The following ZFAT variants were observed in gnomAD, a reference collection of about 807,000 sequenced individuals.
ZFAT encodes the protein zinc finger protein ZFAT.
ZFAT carries 64 observed loss-of-function variants against 117.7 expected under a neutral mutation model. The ratio of observed to expected loss-of-function variants is 0.54; its 90% CI spans 0.44 to 0.67. The LOEUF (loss-of-function observed/expected upper bound fraction) is 0.67. ZFAT is among the 30% of genes least tolerant of loss of function. The pLI is 0.00. For missense variants in ZFAT, 1,433 were observed against 1,584.5 expected, an observed-to-expected ratio of 0.90 and a Z score of 1.62; for synonymous variants, 679 against 615.0, an observed-to-expected ratio of 1.10 and a Z score of -1.54.
rs1373299647 is a variant in ZFAT at position 134,610,477 on chromosome 8, T to C, written c.627A>G (p.Ala209=). The C allele has an allele frequency of 3.1e-6, 5 of 1,613,156 alleles. No individual in the cohort carries two copies. Among genetic ancestry groups the C allele is most frequent in the Non-Finnish European group, 4.2e-6 (5 of 1,179,762 alleles). ...CCCGCTTGGTGCAGTCACCTGGAATTGCTTCGTGTGCAGTTAAAACCACAC... is the reference window on the plus strand; with the variant it reads ...CCCGCTTGGTGCAGTCACCTGGAATCGCTTCGTGTGCAGTTAAAACCACAC... ...IISVVLTAHE[A]IPGATKIVPV... is the part of the protein sequence containing the mutation. The change falls in exon 4 of 16, where the codon GCA becomes GCG. Residue 209 remains alanine, a synonymous_variant. Coordinates refer to ENST00000377838, the MANE Select transcript of ZFAT (RefSeq NM_020863.4).
At chr8:134,699,827 T>A (rs900421574) in intron 1 of ZFAT, among the ~76,000 whole-genome samples, 1 of 152,190 alleles carries the variant, frequency 6.6e-6, no homozygotes, top group Non-Finnish European at 1.5e-5. Flanking sequence ...ACCTCTCTGG[T>A]GGTTAAGAAC....
the ZFAT span, among the ~76,000 whole-genome samples, chr8:134,739,105 C>A: frequency 6.6e-6 from 1 of 152,178 alleles, no homozygotes; most frequent in Non-Finnish European, 1.5e-5. Flanking sequence ...TCTTGTGAAT[C>A]CATCTGGGGC....
chr8:134,543,362 A>G (rs1304530845), intron 11 of ZFAT, among the ~76,000 whole-genome samples: 1 of 151,996 alleles, frequency 6.6e-6, no homozygotes, highest in Non-Finnish European at 1.5e-5. Flanking sequence ...TGTGATAGTC[A>G]GCCAGGCACA....
At chr8:134,749,180 G>C in the ZFAT span, among the ~76,000 whole-genome samples, 1 of 152,034 alleles carries the variant, frequency 6.6e-6, no homozygotes. Context: ...TTTGTGTTTA[G>C]TGTTTTTTCT....
chr8:134,509,488 G>T, intron 15 of ZFAT, 131 bp downstream of exon 15: 3 of 1,252,528 alleles, frequency 2.4e-6, no homozygotes, highest in Non-Finnish European at 3.3e-6. Flanking sequence ...AATAAGAAAA[G>T]GTATGAGACT....
chr8:134,738,237 C>T, the ZFAT span, among the ~76,000 whole-genome samples: 2 of 152,172 alleles, frequency 1.3e-5, no homozygotes, highest in Non-Finnish European at 2.9e-5. Context: ...AATGGCCCCA[C>T]CTAGCCTCCT....
chr8:134,556,267 AAAG>A, intron 11 of ZFAT, among the ~76,000 whole-genome samples: 1 of 152,268 alleles, frequency 6.6e-6, no homozygotes, highest in Middle Eastern at 3.4e-3. Flanking sequence ...TGAAACATAA[AAAG>A]AAGAATTAAA....
chr8:134,505,355 T>A (rs1819322604), intron 15 of ZFAT, among the ~76,000 whole-genome samples: 1 of 152,212 alleles, frequency 6.6e-6, no homozygotes, highest in African/African-American at 2.4e-5. Context: ...GGAACAATCT[T>A]AATTCTGTAG....
intron 1 of ZFAT, among the ~76,000 whole-genome samples, chr8:134,704,625 G>A (rs1834099870): frequency 6.6e-6 from 1 of 152,194 alleles, no homozygotes; most frequent in Admixed American, 6.5e-5. Context: ...CTATAAAGCT[G>A]TAGTAATCAA....
intron 2 of ZFAT, among the ~76,000 whole-genome samples, chr8:134,654,697 G>A (rs944678700): frequency 8.5e-5 from 13 of 152,190 alleles, no homozygotes; most frequent in African/African-American, 2.9e-4. Flanking sequence ...CAGCTGGGAC[G>A]GAGGGAGGGC....
At chr8:134,701,184 CTCCCCCAGCTCCTGGCAACCACCA>C (rs1266090514) in intron 1 of ZFAT, among the ~76,000 whole-genome samples, 9 of 152,146 alleles carry the variant, frequency 5.9e-5, no homozygotes, top group Admixed American at 3.3e-4. Flanking sequence ...CGGATGCCTC[CTCCCCCAGCTCCTGGCAACCACCA>C]TCCTACATTC....
chr8:134,590,646 C>CCACCACCACCACCAA (rs1212110151), intron 7 of ZFAT, among the ~76,000 whole-genome samples: 1 of 96,898 alleles, frequency 1.0e-5, no homozygotes, highest in African/African-American at 3.4e-5. Context: ...ATAGTCATCA[C>CCACCACCACCACCAA]CACCACCACC....
the ZFAT span, among the ~76,000 whole-genome samples, chr8:134,721,965 T>A: frequency 4.7e-4 from 71 of 152,308 alleles, no homozygotes; most frequent in African/African-American, 1.7e-3. Flanking sequence ...AGGACTTCAT[T>A]ATGAAAAAGG....
chr8:134,549,469 A>G (rs1822972988), intron 11 of ZFAT, among the ~76,000 whole-genome samples: 1 of 151,378 alleles, frequency 6.6e-6, no homozygotes, highest in African/African-American at 2.4e-5. Flanking sequence ...AAAGAAGAAG[A>G]AGAAGAAATA....
the ZFAT span, among the ~76,000 whole-genome samples, chr8:134,790,967 A>C: frequency 2.6e-5 from 4 of 152,202 alleles, no homozygotes; most frequent in East Asian, 7.7e-4. Flanking sequence ...GTAAGCCATG[A>C]TCATGCCATG....
chr8:134,484,644 A>G (rs1014955011), intron 15 of ZFAT, among the ~76,000 whole-genome samples: 3 of 152,276 alleles, frequency 2.0e-5, no homozygotes, highest in African/African-American at 7.2e-5. Context: ...AGTCTGCAAA[A>G]TTCCCCAGTC....
intron 11 of ZFAT, among the ~76,000 whole-genome samples, chr8:134,543,475 T>TC (rs1214746282): frequency 1.2e-4 from 18 of 152,236 alleles, no homozygotes; most frequent in Non-Finnish European, 2.4e-4. Context: ...CCCCACCTGC[T>TC]CTCTCTACTT....
At chr8:134,504,951 C>T (rs1195407104) in intron 15 of ZFAT, among the ~76,000 whole-genome samples, 1 of 152,114 alleles carries the variant, frequency 6.6e-6, no homozygotes, top group Non-Finnish European at 1.5e-5. Flanking sequence ...TCAGCACCTG[C>T]CCCCACCCCA....
chr8:134,711,832 T>C (rs917872511), intron 1 of ZFAT, among the ~76,000 whole-genome samples: 3 of 152,076 alleles, frequency 2.0e-5, no homozygotes, highest in Admixed American at 1.3e-4. Context: ...TTATTTGAAC[T>C]AAAGTCAGGA....
Sources: gnomAD v4.1 joint callset for allele counts (sites outside exome capture counted in the v4.1 genomes callset) on GRCh38, gnomAD v4.1.1 for gene constraint, MANE v1.5 for transcripts, NCBI Gene and HGNC (gene_info 2026-07-23, HGNC 2026-07-21) for gene names.